Variants in EIF3E observed in about 807,000 individuals in gnomAD.
EIF3E encodes eIF-3 p48.
In EIF3E, 25 loss-of-function variants were observed where a neutral mutation model predicts 59.3. The observed-to-expected ratio is 0.42, with a 90% CI of 0.31 to 0.59. EIF3E has a LOEUF of 0.59. EIF3E is among the 20% of genes least tolerant of loss of function. EIF3E has a pLI of 0.15. For missense variants in EIF3E, 317 were observed against 534.3 expected, an observed-to-expected ratio of 0.59 and a Z score of 4.01; for synonymous variants, 176 against 170.2, an observed-to-expected ratio of 1.03 and a Z score of -0.26.
At chr8:108,206,593 C>T (rs681203) in intron 10 of EIF3E, among the ~76,000 whole-genome samples, 4,854 of 41,296 alleles carry the variant, frequency 0.12, 240 homozygotes, top group African/African-American at 0.34. Flanking sequence ...TGCACATGTG[C>T]ACACACACAC....
At position 108,217,404 on chromosome 8, in the gene EIF3E, G is replaced by A; in HGVS notation, c.779C>T (p.Ala260Val). 2 of 1,603,686 alleles carry A rather than the reference G, an allele frequency of 1.2e-6. No individual in the cohort carries two copies. The highest frequency in any genetic ancestry group is 1.7e-6 in the Non-Finnish European group (2 of 1,175,048). The stretch of plus-strand genomic sequence containing the variant: ...TCGAACATCCTTGTTTGTTATGACT[G>A]CTGTAGTCAAATAGCGAAGAATGTG... ...CPHILRYLTT[A>V]VITNKDVRKR... Residue 260 changes from alanine (A) to valine (V), a missense_variant, in exon 8 of 13, where the codon GCA becomes GTA. By Grantham distance (64) the Ala-to-Val change is moderately conservative. Around this residue, in one of 4 missense-constraint regions of EIF3E, gnomAD observed 242 missense variants for 398.0 expected, o/e 0.61. Transcript: ENST00000220849.
intron 6 of EIF3E, among the ~76,000 whole-genome samples, 164 bp from the exon 7 acceptor site, chr8:108,228,555 A>G (rs1307030172): frequency 6.6e-6 from 1 of 152,180 alleles, no homozygotes; most frequent in Non-Finnish European, 1.5e-5. Flanking sequence ...TTCTCTCTAC[A>G]TGATCCCTCG....
chr8:108,229,439 A>G (rs1239137212), intron 5 of EIF3E: 1 of 282,062 alleles, frequency 3.5e-6, no homozygotes, highest in African/African-American at 2.2e-5. Context: ...TAACTAGGAA[A>G]CAGCAGCATC....
chr8:108,221,954 G>T (rs1047840139), intron 7 of EIF3E, among the ~76,000 whole-genome samples: 1 of 152,064 alleles, frequency 6.6e-6, no homozygotes, highest in Non-Finnish European at 1.5e-5. Context: ...ATTCTAGACT[G>T]CCAGACATAT....
intron 5 of EIF3E, chr8:108,233,700 C>T: frequency 5.1e-6 from 2 of 395,750 alleles, no homozygotes; most frequent in Admixed American, 2.8e-5. Flanking sequence ...TAAAAATTAG[C>T]CATGAGTGGT....
chr8:108,220,668 G>A (rs745645775), intron 7 of EIF3E, among the ~76,000 whole-genome samples: 12 of 152,164 alleles, frequency 7.9e-5, no homozygotes, highest in Admixed American at 2.6e-4. Flanking sequence ...GTTTGATAAC[G>A]GGTTGGGGGC....
intron 10 of EIF3E, among the ~76,000 whole-genome samples, chr8:108,210,803 G>A (rs1815193082): frequency 6.6e-6 from 1 of 151,546 alleles, no homozygotes; most frequent in African/African-American, 2.4e-5. Flanking sequence ...GTGTCCAAGT[G>A]TTCTCATTGT....
chr8:108,238,244 C>T (rs1457716702), intron 3 of EIF3E, among the ~76,000 whole-genome samples: 1 of 152,196 alleles, frequency 6.6e-6, no homozygotes. Context: ...TGTCTATGCG[C>T]ATGATGTGTG....
At chr8:108,239,470 G>A (rs921287552) in intron 3 of EIF3E, among the ~76,000 whole-genome samples, 8 of 152,320 alleles carry the variant, frequency 5.3e-5, no homozygotes, top group Middle Eastern at 3.4e-3. Flanking sequence ...CCCAAGTGCT[G>A]AGATTACAGG....
intron 12 of EIF3E, 22 bp from the exon 13 acceptor site, chr8:108,201,945 C>A (rs1256196501): frequency 2.6e-6 from 4 of 1,561,048 alleles, no homozygotes; most frequent in Non-Finnish European, 3.5e-6. Context: ...AAAAAGAAAT[C>A]AACACCGTGA....
At chr8:108,234,953 C>T (rs773918896) in intron 5 of EIF3E, 45 bp downstream of exon 5, 16 of 1,061,468 alleles carry the variant, frequency 1.5e-5, no homozygotes, top group Non-Finnish European at 1.9e-5. Flanking sequence ...GGGAATCCTA[C>T]AAAAGACAAA....
intron 2 of EIF3E, among the ~76,000 whole-genome samples, chr8:108,241,364 C>T (rs139854282): frequency 6.6e-6 from 1 of 152,100 alleles, no homozygotes; most frequent in Non-Finnish European, 1.5e-5. Flanking sequence ...AACAAGCTCT[C>T]CCAGGTGAAC....
At position 108,205,336 on chromosome 8, in the gene EIF3E, G is replaced by A. The variant is rs532042873; in HGVS notation, c.1062-1833C>T. 4.6e-5 allele frequency among the ~76,000 whole-genome samples: 7 copies of A among 152,272 alleles called. No homozygotes were observed. In the South Asian group the frequency reaches 1.0e-3, roughly 23 times the overall value. On this transcript the variant is annotated intron_variant, in intron 10 of 12. Coordinates refer to ENST00000220849, the MANE Select transcript of EIF3E (RefSeq NM_001568.3). ...GCATGACTCCTCATACACAGGAGAC[G>A]ATAAATATTTACTGTCTGATTGATT...
At chr8:108,203,277 A>C in intron 11 of EIF3E, 124 bp downstream of exon 11, 1 of 1,295,984 alleles carries the variant, frequency 7.7e-7, no homozygotes, top group South Asian at 1.5e-5. Context: ...TGTTGCCTTC[A>C]AAGAACTGTT....
Position 108,216,423 on chromosome 8 carries a change from C to T in EIF3E, c.940G>A (p.Glu314Lys). 6.2e-7 allele frequency: 1 copy of T among 1,606,264 alleles called. No homozygotes were observed. Among genetic ancestry groups the T allele is most frequent in the East Asian group, 2.2e-5 (1 of 44,536 alleles). The change falls in exon 9 of 13, where the codon GAA becomes AAA. Residue 314 changes from glutamate to lysine, a missense_variant. Coordinates refer to ENST00000220849, the MANE Select transcript of EIF3E (RefSeq NM_001568.3). ...DFDGAQKKLR[E>K]CESVLVNDFF... ...AAATTCACACTTACTGATTCACATT[C>T]CCTCAGCTTTTTCTGAGCCCCATCA...
intron 10 of EIF3E, among the ~76,000 whole-genome samples, chr8:108,210,332 A>G (rs1014278080): frequency 3.7e-4 from 56 of 152,184 alleles, no homozygotes; most frequent in African/African-American, 1.3e-3. Context: ...AGAGATTTTG[A>G]TTCAGAAGGC....
intron 5 of EIF3E, among the ~76,000 whole-genome samples, chr8:108,230,879 T>C (rs1402848601): frequency 1.3e-5 from 2 of 152,064 alleles, no homozygotes; most frequent in Non-Finnish European, 2.9e-5. Context: ...AACATGAACC[T>C]CAAAAACTTG....
At chr8:108,215,939 C>CGAATT (rs1815293485) in intron 9 of EIF3E, among the ~76,000 whole-genome samples, 3 of 152,114 alleles carry the variant, frequency 2.0e-5, no homozygotes, top group Non-Finnish European at 4.4e-5. Flanking sequence ...CAATGAATTG[C>CGAATT]CTGGTTTATC....
At position 108,220,578 on chromosome 8, in the gene EIF3E, T is replaced by C. The variant is rs1057467022; in HGVS notation, c.723-3118A>G. 3.3e-5 allele frequency among the ~76,000 whole-genome samples: 5 copies of C among 152,354 alleles called. No individual in the cohort carries two copies. The East Asian group carries it at 9.6e-4, about 29-fold the overall frequency. Reference sequence around the variant, plus strand: ...ATATAAATTCTACATATAAACACTTTTGTTTTGCAATTTTAGATGGCACAA... The same window carrying C: ...ATATAAATTCTACATATAAACACTTCTGTTTTGCAATTTTAGATGGCACAA... On this transcript the variant is annotated intron_variant, in intron 7 of 12. Coordinates refer to ENST00000220849, the MANE Select transcript of EIF3E (RefSeq NM_001568.3).
Sources: gnomAD v4.1 joint callset for allele counts (sites outside exome capture counted in the v4.1 genomes callset) on GRCh38, gnomAD v4.1.1 for gene constraint, gnomAD v4.1.1 regional missense constraint, MANE v1.5 for transcripts, NCBI Gene and HGNC (gene_info 2026-07-23, HGNC 2026-07-21) for gene names.